Variants in KYNU observed in about 807,000 individuals in gnomAD.
The protein encoded by KYNU is kynureninase.
In KYNU, 54 loss-of-function variants were observed where a neutral mutation model predicts 59.2. The ratio of observed to expected loss-of-function variants is 0.91; its 90% confidence interval spans 0.73 to 1.14. KYNU has a LOEUF of 1.14. Among genes scored for constraint, KYNU ranks in the 50% most tolerant of loss-of-function variants. The pLI is 0.00. For synonymous variants in KYNU, 177 were observed against 192.0 expected, an observed-to-expected ratio of 0.92 and a Z score of 0.65; for missense variants, 567 against 554.4, an observed-to-expected ratio of 1.02 and a Z score of -0.23.
intron 10 of KYNU, among the ~76,000 whole-genome samples, chr2:143,025,112 A>T (rs957194235): frequency 6.6e-6 from 1 of 151,880 alleles, no homozygotes; most frequent in Non-Finnish European, 1.5e-5. Flanking sequence ...TATTGTTAAG[A>T]TATGTTAATC....
intron 2 of KYNU, among the ~76,000 whole-genome samples, chr2:142,890,742 T>G (rs1445215491): frequency 6.6e-6 from 1 of 152,186 alleles, no homozygotes; most frequent in Non-Finnish European, 1.5e-5. Context: ...CCTACCAATG[T>G]GCTGGGATTA....
intron 10 of KYNU, among the ~76,000 whole-genome samples, chr2:143,006,715 T>C (rs1371882648): frequency 2.6e-5 from 4 of 151,544 alleles, no homozygotes; most frequent in South Asian, 2.1e-4. Context: ...ATCTGAGAAC[T>C]GGCAGACTGC....
At chr2:143,031,418 C>A (rs1462665243) in intron 11 of KYNU, among the ~76,000 whole-genome samples, 1 of 152,154 alleles carries the variant, frequency 6.6e-6, no homozygotes, top group Non-Finnish European at 1.5e-5. Flanking sequence ...GCTATGTTTT[C>A]ATAAAACTGT....
intron 4 of KYNU, among the ~76,000 whole-genome samples, chr2:142,942,174 A>G (rs1485472937): frequency 7.3e-4 from 107 of 147,040 alleles, no homozygotes; most frequent in African/African-American, 2.4e-3. Context: ...AAAAAAAAAA[A>G]GAAAAAAAAA....
At chr2:143,011,921 G>T (rs1686111954) in intron 10 of KYNU, among the ~76,000 whole-genome samples, 1 of 143,754 alleles carries the variant, frequency 7.0e-6, no homozygotes, top group Non-Finnish European at 1.5e-5. Flanking sequence ...GGTGGGGTGG[G>T]GGGAGTGGGG....
At chr2:143,033,815 A>C (rs934773000) in intron 12 of KYNU, among the ~76,000 whole-genome samples, 2 of 152,204 alleles carry the variant, frequency 1.3e-5, no homozygotes, top group African/African-American at 4.8e-5. Context: ...AAAGCTAGGA[A>C]AGACTTACTT....
At chr2:142,995,671 G>T (rs1685518482) in intron 10 of KYNU, among the ~76,000 whole-genome samples, 2 of 151,982 alleles carry the variant, frequency 1.3e-5, no homozygotes, top group South Asian at 4.2e-4. Context: ...TGGCATCAAG[G>T]GGTGAATGTA....
chr2:143,012,224 G>A (rs1013195854), intron 10 of KYNU, among the ~76,000 whole-genome samples: 2 of 152,128 alleles, frequency 1.3e-5, no homozygotes, highest in East Asian at 1.9e-4. Flanking sequence ...ACTCACGCCT[G>A]TAATCCCAGC....
intron 10 of KYNU, among the ~76,000 whole-genome samples, chr2:143,006,157 A>C (rs886595671): frequency 2.6e-5 from 4 of 152,044 alleles, no homozygotes; most frequent in African/African-American, 7.2e-5. Context: ...GGTTCATCTC[A>C]CTAGGGAGTG....
intron 4 of KYNU, among the ~76,000 whole-genome samples, chr2:142,928,862 T>C (rs997510157): frequency 2.6e-5 from 4 of 151,336 alleles, no homozygotes; most frequent in African/African-American, 9.7e-5. Flanking sequence ...TTTTAAAAAT[T>C]AGCCAAGCAT....
intron 8 of KYNU, among the ~76,000 whole-genome samples, chr2:142,971,936 T>G (rs1201140332): frequency 6.6e-6 from 1 of 152,220 alleles, no homozygotes; most frequent in Non-Finnish European, 1.5e-5. Flanking sequence ...ACGTGCAGAC[T>G]GCTCCGTTAA....
chr2:142,919,996 C>T (rs549664552), intron 3 of KYNU, among the ~76,000 whole-genome samples: 46 of 152,022 alleles, frequency 3.0e-4, no homozygotes, highest in African/African-American at 1.1e-3. Flanking sequence ...TGCTTGAACC[C>T]GGGAGGCAGA....
chr2:142,954,705 T>C (rs572018636), intron 4 of KYNU, 105 bp from the exon 5 acceptor site: 4 of 772,096 alleles, frequency 5.2e-6, no homozygotes, highest in South Asian at 4.4e-5. Context: ...TATGCCCTTA[T>C]CTCTAAAGAC....
chr2:143,013,717 G>GT (rs1686177433), intron 10 of KYNU, among the ~76,000 whole-genome samples: 1 of 152,138 alleles, frequency 6.6e-6, no homozygotes, highest in South Asian at 2.1e-4. Flanking sequence ...TAAATTTGGA[G>GT]TTTAAGTTCT....
At chr2:142,882,484 C>G (rs1681336564) in intron 1 of KYNU, among the ~76,000 whole-genome samples, 1 of 152,266 alleles carries the variant, frequency 6.6e-6, no homozygotes. Context: ...CCCCCATCCC[C>G]CCACTCCACG....
At chr2:142,887,659 C>T (rs555685407) in intron 2 of KYNU, among the ~76,000 whole-genome samples, 2 of 151,912 alleles carry the variant, frequency 1.3e-5, no homozygotes, top group Admixed American at 6.6e-5. Flanking sequence ...ATAATCCAGA[C>T]GCAAAAAGAA....
At chr2:142,935,890 G>T (rs1481222599) in intron 4 of KYNU, among the ~76,000 whole-genome samples, 1 of 152,138 alleles carries the variant, frequency 6.6e-6, no homozygotes, top group Non-Finnish European at 1.5e-5. Context: ...TTCAGGAGAG[G>T]GCGATGAGGA....
intron 8 of KYNU, among the ~76,000 whole-genome samples, chr2:142,968,587 A>G (rs1019560858): frequency 1.4e-4 from 21 of 152,130 alleles, no homozygotes; most frequent in African/African-American, 5.1e-4. Context: ...GTGGACGAAA[A>G]GAGGCAATTG....
intron 3 of KYNU, 32 bp downstream of exon 3, chr2:142,918,761 A>G (rs777420289): frequency 1.6e-5 from 26 of 1,597,876 alleles, no homozygotes; most frequent in Middle Eastern, 1.7e-4. Flanking sequence ...ACTACTCTAC[A>G]TCTCATACAA....
Sources: allele counts gnomAD v4.1 joint callset (sites outside exome capture counted in the v4.1 genomes callset), GRCh38; gene constraint gnomAD v4.1.1; transcripts MANE v1.5; gene names NCBI Gene and HGNC (gene_info 2026-07-23, HGNC 2026-07-21).